The following DOCK2 variants were observed in gnomAD, a reference collection of about 807,000 sequenced individuals.
DOCK2 encodes dedicator of cytokinesis protein 2.
A neutral mutation model predicts 248.9 loss-of-function variants in DOCK2; 87 were observed. The observed-to-expected ratio is 0.35, with a 90% confidence interval of 0.29 to 0.42. The LOEUF (loss-of-function observed/expected upper bound fraction) is 0.42. Ranked by LOEUF, DOCK2 falls within the 10% of genes least tolerant of loss-of-function variation. The probability of loss-of-function intolerance (pLI) is 1.00; values close to 1 mark genes in which losing one functional copy is unlikely to be tolerated. For synonymous variants in DOCK2, 805 were observed against 821.6 expected (o/e 0.98, Z 0.35); for missense variants, 1,747 against 2,300.2 (o/e 0.76, Z 4.92).
chr5:169,860,280 C>T (rs762036321), intron 27 of DOCK2, among the ~76,000 whole-genome samples: 5 of 152,090 alleles, frequency 3.3e-5, no homozygotes, highest in Non-Finnish European at 4.4e-5. Context: ...TCCCTTGCCC[C>T]GAGAAAAACC....
At chr5:169,712,442 T>C (rs1373373208) in intron 17 of DOCK2, among the ~76,000 whole-genome samples, 2 of 152,214 alleles carry the variant, frequency 1.3e-5, no homozygotes, top group African/African-American at 2.4e-5. Flanking sequence ...ACAGTGGATG[T>C]AAACATAGCA....
chr5:169,811,688 C>T (rs746213476), intron 26 of DOCK2, among the ~76,000 whole-genome samples: 2 of 152,194 alleles, frequency 1.3e-5, no homozygotes, highest in African/African-American at 2.4e-5. Flanking sequence ...TGTTCTTATA[C>T]GACACAGTTG....
rs1436903714 is a variant in DOCK2 at position 170,079,049 on chromosome 5, T to C, written c.5069T>C (p.Leu1690Pro). The C allele has an allele frequency of 6.2e-7, 1 of 1,614,032 alleles. No individual in the cohort carries two copies. The highest frequency in any genetic ancestry group is 1.3e-5 in the African/African-American group (1 of 74,932). ...GAACCGATCTCCCCGGGGAGCACCC[T>C]GCCTGAGGTCAAGCTGCGGAGGTCC... ...QEEPISPGST[L>P]PEVKLRRSKK... The change falls in exon 49 of 52, where the codon CTG becomes CCG. Residue 1690 changes from leucine to proline, a missense_variant. This residue lies in a region of DOCK2 where 513 missense variants were observed against 586.1 expected (regional missense o/e 0.88). Transcript: ENST00000520908.
chr5:169,709,853 G>A (rs115028801), intron 15 of DOCK2, among the ~76,000 whole-genome samples: 1 of 152,214 alleles, frequency 6.6e-6, no homozygotes, highest in African/African-American at 2.4e-5. Context: ...ATGTAAATGT[G>A]CTCTGCAGAC....
intron 27 of DOCK2, among the ~76,000 whole-genome samples, chr5:169,874,070 CTCTG>C (rs910334573): frequency 2.0e-4 from 30 of 152,080 alleles, no homozygotes; most frequent in African/African-American, 6.5e-4. Flanking sequence ...ATAAGTTCTT[CTCTG>C]TCTGGTCCAG....
chr5:170,047,938 A>T (rs1275119844), intron 40 of DOCK2, among the ~76,000 whole-genome samples: 2 of 152,230 alleles, frequency 1.3e-5, no homozygotes, highest in Admixed American at 6.5e-5. Context: ...ACTGTAGAGC[A>T]GTCGTTCTCA....
At chr5:170,081,467 C>T (rs893055168) in intron 50 of DOCK2, 9 of 195,624 alleles carry the variant, frequency 4.6e-5, no homozygotes, top group Admixed American at 2.2e-4. Context: ...ACTCTCTTCC[C>T]GCTGTCTCCT....
intron 30 of DOCK2, among the ~76,000 whole-genome samples, chr5:170,008,215 ACAACAACAAC>A (rs140601282): frequency 1.6e-4 from 14 of 88,746 alleles, no homozygotes; most frequent in East Asian, 6.7e-4. Context: ...AACAACAACA[ACAACAACAAC>A]AAAAAAAAAA....
intron 41 of DOCK2, among the ~76,000 whole-genome samples, chr5:170,054,974 A>G (rs1015761391): frequency 6.6e-6 from 1 of 152,236 alleles, no homozygotes; most frequent in African/African-American, 2.4e-5. Flanking sequence ...TCATGGGAAG[A>G]TGTACTCTGC....
chr5:169,877,056 G>T (rs1278693695), intron 27 of DOCK2, among the ~76,000 whole-genome samples: 4 of 152,200 alleles, frequency 2.6e-5, no homozygotes, highest in Admixed American at 2.6e-4. Context: ...GGAAGGATTG[G>T]ATTGTGAGGT....
At chr5:169,650,885 G>A (rs945083459) in intron 1 of DOCK2, among the ~76,000 whole-genome samples, 4 of 152,214 alleles carry the variant, frequency 2.6e-5, no homozygotes, top group Non-Finnish European at 5.9e-5. Context: ...GACCTGGCAC[G>A]ATGGGGAAGC....
intron 27 of DOCK2, among the ~76,000 whole-genome samples, chr5:169,904,690 A>G (rs1774171125): frequency 6.6e-6 from 1 of 152,184 alleles, no homozygotes; most frequent in African/African-American, 2.4e-5. Context: ...ACAGACAATA[A>G]GTCTGACAGA....
chr5:169,973,695 C>T (rs1777608931), intron 27 of DOCK2, among the ~76,000 whole-genome samples: 1 of 152,146 alleles, frequency 6.6e-6, no homozygotes, highest in South Asian at 2.1e-4. Context: ...TCATACAGAA[C>T]CCTTCTTAGC....
intron 32 of DOCK2, among the ~76,000 whole-genome samples, chr5:170,017,674 A>G (rs1431912590): frequency 6.6e-6 from 1 of 152,154 alleles, no homozygotes; most frequent in African/African-American, 2.4e-5. Flanking sequence ...AAATACTGTT[A>G]TTGTTCCAAG....
At chr5:169,880,958 G>T (rs1772607275) in intron 27 of DOCK2, among the ~76,000 whole-genome samples, 1 of 152,224 alleles carries the variant, frequency 6.6e-6, no homozygotes, top group South Asian at 2.1e-4. Context: ...TGTTGAGGAA[G>T]AGGCAGTGTG....
chr5:170,079,255 G>T, intron 49 of DOCK2, 109 bp downstream of exon 49: 1 of 1,418,596 alleles, frequency 7.0e-7, no homozygotes. Context: ...GCCTGCCACT[G>T]CGGTGCTATG....
At chr5:169,803,463 T>C (rs1581212103) in intron 26 of DOCK2, among the ~76,000 whole-genome samples, 1 of 152,220 alleles carries the variant, frequency 6.6e-6, no homozygotes, top group Admixed American at 6.5e-5. Flanking sequence ...ATAGACATTA[T>C]TGCAGCCTTT....
Position 169,700,267 on chromosome 5 carries a change from G to GT in DOCK2, c.1258+129dup. The GT allele has an allele frequency of 2.2e-6, 3 of 1,361,176 alleles. No individual in the cohort carries two copies. The South Asian group carries it at 4.4e-5, about 20-fold the overall frequency. The allele number at this position is 1,361,176 out of a possible 1,614,324, so 84.3% of individuals were successfully genotyped here. A position where few individuals can be genotyped will look rare whatever the true frequency, so the allele number is the denominator to read the frequency against. ...CCTCTCTCCATTTCTGTCCCTGAAG[G>GT]TAACAACTAAAAATGATGTCTGTAT... On this transcript the variant is annotated intron_variant, in intron 13 of 51. Coordinates refer to ENST00000520908, the MANE Select transcript of DOCK2 (RefSeq NM_004946.3).
chr5:169,695,756 C>G, intron 9 of DOCK2, 47 bp from the exon 10 acceptor site: 4 of 1,601,740 alleles, frequency 2.5e-6, no homozygotes, highest in Non-Finnish European at 3.4e-6. Flanking sequence ...TACCTTTTTT[C>G]CCCCATTCAG....
Sources: allele counts gnomAD v4.1 joint callset (sites outside exome capture counted in the v4.1 genomes callset), GRCh38; gene constraint gnomAD v4.1.1; regional missense constraint gnomAD v4.1.1; transcripts MANE v1.5; gene names NCBI Gene and HGNC (gene_info 2026-07-23, HGNC 2026-07-21).